MPDZ: variants seen among roughly 807,000 people sequenced by gnomAD.
MPDZ encodes multiple PDZ domain protein.
A neutral mutation model predicts 239.1 loss-of-function variants in MPDZ; 234 were observed. The observed-to-expected ratio is 0.98, with a 90% CI of 0.88 to 1.09. The LOEUF is 1.09. Among genes scored for constraint, MPDZ ranks in the 50% least tolerant of loss-of-function variants. MPDZ has a pLI of 0.00. For missense variants in MPDZ, 3,175 were observed against 2,510.0 expected (o/e 1.26, Z -5.66); for synonymous variants, 1,048 against 881.3 (o/e 1.19, Z -3.35).
intron 32 of MPDZ, among the ~76,000 whole-genome samples, chr9:13,127,366 G>A (rs1026858665): frequency 6.6e-6 from 1 of 152,188 alleles, no homozygotes; most frequent in Non-Finnish European, 1.5e-5. Context: ...ACCTGCCAAG[G>A]CTGGGGAGCT....
At chr9:13,249,901 G>A (rs1055433726) in intron 2 of MPDZ, among the ~76,000 whole-genome samples, 1 of 152,138 alleles carries the variant, frequency 6.6e-6, no homozygotes, top group Non-Finnish European at 1.5e-5. Flanking sequence ...AATAGCAAGA[G>A]CTCAGTAGAA....
intron 3 of MPDZ, among the ~76,000 whole-genome samples, 181 bp downstream of exon 3, chr9:13,247,454 C>G (rs1442281859): frequency 1.3e-5 from 2 of 152,110 alleles, no homozygotes; most frequent in Non-Finnish European, 1.5e-5. Flanking sequence ...CAGCAACAAC[C>G]ATTACAAAAA....
At chr9:13,225,676 G>C (rs936310982) in intron 3 of MPDZ, among the ~76,000 whole-genome samples, 5 of 151,974 alleles carry the variant, frequency 3.3e-5, no homozygotes, top group Non-Finnish European at 7.4e-5. Flanking sequence ...GTAACATGCT[G>C]TACAGGTTGG....
intron 27 of MPDZ, among the ~76,000 whole-genome samples, chr9:13,142,702 C>T (rs1173928458): frequency 6.6e-6 from 1 of 152,058 alleles, no homozygotes; most frequent in Admixed American, 6.6e-5. Flanking sequence ...TCAGTAATTC[C>T]TATAGCAATA....
Position 13,247,651 on chromosome 9 carries a change from T to C in MPDZ, c.167A>G (p.Gln56Arg), listed in dbSNP as rs769533763. ...ATGTCCTACCTGGTCTTTCAGCTGC[T>C]GTACAGAAGTCTGAAGGCTCAGAAT... ...SQILSLQTSV[Q>R]QLKDQVNIAT... is the part of the protein sequence containing the mutation. The change falls in exon 3 of 47, where the codon CAG (glutamine) becomes CGG (arginine). Residue 56 changes from glutamine to arginine, a missense_variant. Coordinates refer to ENST00000319217, the MANE Select transcript of MPDZ (RefSeq NM_001378778.1). 2.5e-6 allele frequency: 4 copies of C among 1,611,704 alleles called. No homozygotes were observed. The Admixed American group carries it at 5.0e-5, about 20-fold the overall frequency.
chr9:13,251,404 G>T (rs1967978396), intron 1 of MPDZ, among the ~76,000 whole-genome samples: 1 of 151,992 alleles, frequency 6.6e-6, no homozygotes, highest in African/African-American at 2.4e-5. Context: ...TTGAAATACT[G>T]GATACAGATC....
intron 22 of MPDZ, among the ~76,000 whole-genome samples, chr9:13,168,057 T>C (rs949127402): frequency 1.3e-5 from 2 of 152,144 alleles, no homozygotes; most frequent in South Asian, 4.1e-4. Context: ...TCCAAGATCC[T>C]AAAAGTGGGC....
intron 10 of MPDZ, among the ~76,000 whole-genome samples, chr9:13,215,300 TTTAA>T (rs1169167741): frequency 1.1e-4 from 16 of 151,824 alleles, no homozygotes; most frequent in African/African-American, 3.9e-4. Context: ...TTTCCTTCTC[TTTAA>T]AGACTGAATA....
chr9:13,187,442 G>A (rs1180339615), intron 17 of MPDZ, among the ~76,000 whole-genome samples: 1 of 152,098 alleles, frequency 6.6e-6, no homozygotes. Context: ...TTAATAAATA[G>A]GTAGAGTCCC....
At position 13,112,994 on chromosome 9, in the gene MPDZ, T is replaced by G; in HGVS notation, c.5601+17A>C. 6.3e-7 allele frequency: 1 copy of G among 1,576,802 alleles called. No individual in the cohort carries two copies. The highest frequency in any genetic ancestry group is 8.6e-7 in the Non-Finnish European group (1 of 1,158,176). ...TTAAAACGCCAGGGTTTATATTGTT[T>G]TCTCTCCCCAAGTTACCTTTTTCAT... On this transcript the variant is annotated intron_variant, in intron 42 of 46. Coordinates refer to ENST00000319217, the MANE Select transcript of MPDZ (RefSeq NM_001378778.1).
Position 13,112,951 on chromosome 9 carries a change from C to T in MPDZ, c.5601+60G>A, listed in dbSNP as rs1586874622. On this transcript the variant is annotated intron_variant, in intron 42 of 46. Coordinates refer to ENST00000319217, the MANE Select transcript of MPDZ (RefSeq NM_001378778.1). ...AACCGTAAGAAAGTTAACAAGAAAA[C>T]ACATATGAAGATGTCTCTTAAAACG... 4 of 1,426,646 alleles carry T rather than the reference C, an allele frequency of 2.8e-6. No homozygotes were observed. In the Admixed American group the frequency reaches 8.2e-5, roughly 29 times the overall value. 88.4% of individuals were successfully genotyped at this position (1,426,646 alleles called of 1,614,324 possible). A position where few individuals can be genotyped will look rare whatever the true frequency, so the allele number is the denominator to read the frequency against.
Position 13,133,874 on chromosome 9 carries a change from C to T in MPDZ, c.4414G>A (p.Ala1472Thr). The change falls in exon 32 of 47, where the codon GCT (alanine) becomes ACT (threonine). Residue 1472 changes from alanine to threonine, a missense_variant. By Grantham distance (58) the Ala-to-Thr change is moderately conservative. Coordinates refer to ENST00000319217, the MANE Select transcript of MPDZ (RefSeq NM_001378778.1). ...TTTTTAAATGAACTGAGGTCCACAGCTGCATCAGAAGTAGTAACAGTTGGC... is the reference window on the plus strand; with the variant it reads ...TTTTTAAATGAACTGAGGTCCACAGTTGCATCAGAAGTAGTAACAGTTGGC... ...TEPTVTTSDAAVDLSSFKNVQ... is the reference protein window; with the variant it reads ...TEPTVTTSDATVDLSSFKNVQ... The T allele has an allele frequency of 6.3e-7, 1 of 1,598,550 alleles. No homozygotes were observed. The highest frequency in any genetic ancestry group is 1.1e-5 in the South Asian group (1 of 88,560).
intron 35 of MPDZ, among the ~76,000 whole-genome samples, chr9:13,124,831 T>A (rs1016120763): frequency 5.3e-5 from 8 of 152,228 alleles, no homozygotes; most frequent in Middle Eastern, 6.8e-3. Context: ...TAAATTACTT[T>A]CCCAGCTTAA....
chr9:13,189,203 C>T (rs560292767), intron 16 of MPDZ, among the ~76,000 whole-genome samples: 2 of 152,248 alleles, frequency 1.3e-5, no homozygotes, highest in South Asian at 4.1e-4. Context: ...TAAACAATGG[C>T]ACCCTCACTT....
intron 3 of MPDZ, among the ~76,000 whole-genome samples, chr9:13,239,458 A>T (rs1295212766): frequency 6.6e-6 from 1 of 152,134 alleles, no homozygotes; most frequent in Non-Finnish European, 1.5e-5. Flanking sequence ...GAACTAGAAC[A>T]GTTCTGGGCA....
At chr9:13,221,535 T>A in intron 6 of MPDZ, 35 bp from the exon 7 acceptor site, 1 of 1,596,590 alleles carries the variant, frequency 6.3e-7, no homozygotes, top group Non-Finnish European at 8.5e-7. Context: ...TTTGTAGAAA[T>A]TTACAAAGCA....
At position 13,140,393 on chromosome 9, in the gene MPDZ, C is replaced by CATATAT. The variant is rs535672637; in HGVS notation, c.3841-250_3841-245dup. Among the ~76,000 whole-genome samples, 536 of 136,518 alleles carry CATATAT rather than the reference C, an allele frequency of 3.9e-3. 8 individuals carry two copies. The highest frequency in any genetic ancestry group is 0.014 in the African/African-American group (514 of 35,646). 89.6% of individuals were successfully genotyped at this position (136,518 alleles called of 152,430 possible). A position where few individuals can be genotyped will look rare whatever the true frequency, so the allele number is the denominator to read the frequency against. ...GATTGTTAAATATTTTATATATATA[C>CATATAT]ATATATATATATATATGTATATATA... is the stretch of plus-strand genomic sequence containing the variant. On this transcript the variant is annotated intron_variant, in intron 27 of 46. Coordinates refer to ENST00000319217, the MANE Select transcript of MPDZ (RefSeq NM_001378778.1).
intron 1 of MPDZ, among the ~76,000 whole-genome samples, chr9:13,264,979 C>T (rs1427996425): frequency 6.6e-6 from 1 of 152,174 alleles, no homozygotes; most frequent in Non-Finnish European, 1.5e-5. Context: ...AGATGCCAGG[C>T]ATATTTCTTG....
chr9:13,212,661 A>C (rs1400233806), intron 10 of MPDZ, among the ~76,000 whole-genome samples: 3 of 151,566 alleles, frequency 2.0e-5, no homozygotes, highest in Non-Finnish European at 4.4e-5. Context: ...CAAATTGCCT[A>C]TGTGCTATCT....
Sources: gnomAD v4.1 joint callset for allele counts (sites outside exome capture counted in the v4.1 genomes callset) on GRCh38, gnomAD v4.1.1 for gene constraint, MANE v1.5 for transcripts, NCBI Gene and HGNC (gene_info 2026-07-23, HGNC 2026-07-21) for gene names.